TMCC1: variants seen among roughly 807,000 people sequenced by gnomAD.
TMCC1 encodes transmembrane and coiled-coil domains protein 1.
TMCC1 carries 15 observed loss-of-function variants against 52.4 expected under a neutral mutation model. That is an observed-to-expected ratio of 0.29 (90% CI 0.19 to 0.44). The LOEUF (loss-of-function observed/expected upper bound fraction) is 0.44, where lower values mean the gene tolerates loss of function less well. TMCC1 is among the 20% of genes least tolerant of loss of function. The pLI is 1.00. For missense variants in TMCC1, 503 were observed against 806.0 expected (o/e 0.62, Z 4.55); for synonymous variants, 279 against 301.9 (o/e 0.92, Z 0.79).
chr3:129,763,494 G>C (rs2053809921), intron 4 of TMCC1, among the ~76,000 whole-genome samples: 1 of 113,174 alleles, frequency 8.8e-6, no homozygotes, highest in South Asian at 2.9e-4. Context: ...AGTGAGCTAA[G>C]ATCACACCAC....
Position 129,828,610 on chromosome 3 carries a change from CCAAA to C in TMCC1, c.-130-106_-130-103del, listed in dbSNP as rs1203318405. On this transcript the variant is annotated intron_variant, in intron 3 of 6. Coordinates refer to ENST00000393238, the MANE Select transcript of TMCC1 (RefSeq NM_001017395.5). The surrounding 1 kb of genome is among the most constrained non-coding windows in gnomAD (Gnocchi z 4.1). The stretch of plus-strand genomic sequence containing the variant: ...AAAACAAAGAAAAACATGCTACTGG[CCAAA>C]CAAATAGGCACTATCATTAAGCAAT... 6.1e-5 allele frequency: 28 copies of C among 462,032 alleles called. No individual in the cohort carries two copies. The highest frequency in any genetic ancestry group is 1.6e-4 in the South Asian group (4 of 25,178). The allele number at this position is 462,032 out of a possible 1,614,324, so 28.6% of individuals were successfully genotyped here. A position where few individuals can be genotyped will look rare whatever the true frequency, so the allele number is the denominator to read the frequency against.
chr3:129,653,740 C>T (rs954906011), intron 6 of TMCC1, among the ~76,000 whole-genome samples: 4 of 152,178 alleles, frequency 2.6e-5, no homozygotes, highest in Non-Finnish European at 5.9e-5. Flanking sequence ...CGCCACCATG[C>T]CCGGCCTGTT....
At chr3:129,697,550 G>GT (rs1468292201) in intron 4 of TMCC1, among the ~76,000 whole-genome samples, 1 of 152,144 alleles carries the variant, frequency 6.6e-6, no homozygotes, top group Non-Finnish European at 1.5e-5. Flanking sequence ...TCAGTTCCTT[G>GT]TTACTTATGC....
intron 4 of TMCC1, among the ~76,000 whole-genome samples, chr3:129,681,023 G>C (rs1335265517): frequency 6.6e-6 from 1 of 152,140 alleles, no homozygotes; most frequent in Non-Finnish European, 1.5e-5. Flanking sequence ...TGCTATAGGA[G>C]ATATGATGAT....
intron 1 of TMCC1, among the ~76,000 whole-genome samples, chr3:129,892,383 G>C (rs2062009035): frequency 6.6e-6 from 1 of 152,200 alleles, no homozygotes; most frequent in Non-Finnish European, 1.5e-5. Flanking sequence ...GCATCGTTTT[G>C]TCACATGACA....
At chr3:129,759,965 C>A (rs1205211680) in intron 4 of TMCC1, among the ~76,000 whole-genome samples, 2 of 151,846 alleles carry the variant, frequency 1.3e-5, no homozygotes. Flanking sequence ...TCGTGATCCA[C>A]CCGCCTCGGC....
At chr3:129,852,142 G>C (rs2059941367) in intron 2 of TMCC1, among the ~76,000 whole-genome samples, 2 of 152,036 alleles carry the variant, frequency 1.3e-5, no homozygotes, top group African/African-American at 4.8e-5. Flanking sequence ...AACAGCGTGA[G>C]ACCCTGTCTG....
chr3:129,786,740 G>C (rs2056063902), intron 4 of TMCC1, among the ~76,000 whole-genome samples: 1 of 152,094 alleles, frequency 6.6e-6, no homozygotes, highest in Non-Finnish European at 1.5e-5. Flanking sequence ...CTAAGAAAAG[G>C]TACTCGAGTT....
intron 4 of TMCC1, among the ~76,000 whole-genome samples, chr3:129,695,156 T>C (rs1336461710): frequency 2.3e-5 from 3 of 133,076 alleles, no homozygotes. Context: ...TTGAAAATTA[T>C]TCTTGATCAC....
chr3:129,693,377 G>A (rs1289696238), intron 4 of TMCC1, among the ~76,000 whole-genome samples: 1 of 151,974 alleles, frequency 6.6e-6, no homozygotes, highest in Non-Finnish European at 1.5e-5. Flanking sequence ...TACAATTGTA[G>A]TACCTTATCT....
At chr3:129,726,142 T>C (rs1326445331) in intron 4 of TMCC1, among the ~76,000 whole-genome samples, 1 of 152,250 alleles carries the variant, frequency 6.6e-6, no homozygotes, top group Non-Finnish European at 1.5e-5. Context: ...ATACCTTATC[T>C]GTAGAGGAGA....
rs1233999421 is a variant in TMCC1 at position 129,670,151 on chromosome 3, G to GA, written c.1511+178dup. Among the ~76,000 whole-genome samples, 3 of 152,300 alleles carry GA rather than the reference G, an allele frequency of 2.0e-5. No homozygotes were observed. In the South Asian group the frequency reaches 6.2e-4, roughly 32 times the overall value. On this transcript the variant is annotated intron_variant, in intron 5 of 6. Transcript: ENST00000393238. Reference sequence around the variant, plus strand: ...TCATTTTAAAGTTCTAAACTGGCACGAAAGACTGGAGAGTTACAGCAATGC... The same window carrying GA: ...TCATTTTAAAGTTCTAAACTGGCACGAAAAGACTGGAGAGTTACAGCAATGC...
intron 4 of TMCC1, among the ~76,000 whole-genome samples, chr3:129,762,757 G>C (rs528610112): frequency 6.6e-6 from 1 of 152,018 alleles, no homozygotes; most frequent in Non-Finnish European, 1.5e-5. Flanking sequence ...TTTGCACCCT[G>C]GGTGACAGAG....
intron 4 of TMCC1, among the ~76,000 whole-genome samples, chr3:129,691,035 T>G (rs1367524907): frequency 6.6e-6 from 1 of 152,228 alleles, no homozygotes; most frequent in East Asian, 1.9e-4. Context: ...TGTTCTCATT[T>G]GTTTCTTCTC....
intron 4 of TMCC1, among the ~76,000 whole-genome samples, chr3:129,710,967 G>A (rs539061103): frequency 4.6e-5 from 7 of 152,168 alleles, no homozygotes; most frequent in African/African-American, 1.4e-4. Context: ...CAGTTCAAGC[G>A]ATTCTCCTGC....
intron 4 of TMCC1, among the ~76,000 whole-genome samples, chr3:129,741,647 G>A (rs953301402): frequency 1.3e-5 from 2 of 152,020 alleles, no homozygotes; most frequent in African/African-American, 4.8e-5. Context: ...TTTTATGCTC[G>A]ATCTCTGCTT....
At chr3:129,873,579 A>G (rs180809932) in intron 2 of TMCC1, among the ~76,000 whole-genome samples, 26 of 152,190 alleles carry the variant, frequency 1.7e-4, no homozygotes, top group Admixed American at 8.5e-4. Context: ...AGTCGGGAGG[A>G]TAAGGCAAGA....
At chr3:129,869,631 A>C (rs2060821898) in intron 2 of TMCC1, among the ~76,000 whole-genome samples, 1 of 152,200 alleles carries the variant, frequency 6.6e-6, no homozygotes, top group African/African-American at 2.4e-5. Flanking sequence ...CTGAAGGTGA[A>C]TTAGGTGTGG....
chr3:129,798,002 T>C (rs13071613), intron 4 of TMCC1, among the ~76,000 whole-genome samples: 8 of 139,890 alleles, frequency 5.7e-5, no homozygotes, highest in East Asian at 2.1e-4. Context: ...TTTTTTTTTC[T>C]TTTTTTTTTT....
Sources: allele counts gnomAD v4.1 joint callset (sites outside exome capture counted in the v4.1 genomes callset), GRCh38; gene constraint gnomAD v4.1.1; non-coding constraint Gnocchi (gnomAD v3.1); transcripts MANE v1.5; gene names NCBI Gene and HGNC (gene_info 2026-07-23, HGNC 2026-07-21).